The following ZMPSTE24 variants were observed in gnomAD, a reference collection of about 807,000 sequenced individuals.
ZMPSTE24 encodes the protein zinc metallopeptidase STE24.
A neutral mutation model predicts 56.7 loss-of-function variants in ZMPSTE24; 48 were observed. That is an observed-to-expected ratio of 0.85 (90% CI 0.67 to 1.08). The LOEUF is 1.08. Among genes scored for constraint, ZMPSTE24 ranks in the 50% least tolerant of loss-of-function variants. The pLI is 0.00. For synonymous variants in ZMPSTE24, 172 were observed against 195.2 expected, an observed-to-expected ratio of 0.88 and a Z score of 0.99; for missense variants, 503 against 548.7, an observed-to-expected ratio of 0.92 and a Z score of 0.83.
At chr1:40,265,509 C>T (rs888281638) in intron 2 of ZMPSTE24, among the ~76,000 whole-genome samples, 2 of 152,056 alleles carry the variant, frequency 1.3e-5, no homozygotes, top group African/African-American at 4.8e-5. Flanking sequence ...TGAGGCCAGC[C>T]TGGGCAACAT....
chr1:40,261,700 T>C (rs899025248), intron 2 of ZMPSTE24, among the ~76,000 whole-genome samples: 2 of 152,072 alleles, frequency 1.3e-5, no homozygotes, highest in African/African-American at 4.8e-5. Context: ...TTTTTGTTGC[T>C]TTTTTTGTTT....
chr1:40,282,310 G>A (rs1569652765), intron 7 of ZMPSTE24, among the ~76,000 whole-genome samples: 1 of 152,166 alleles, frequency 6.6e-6, no homozygotes, highest in East Asian at 1.9e-4. Flanking sequence ...ATATTGATTA[G>A]CAGAATTTAA....
rs372563227 is a variant in ZMPSTE24 at position 40,271,964 on chromosome 1, A to G, written c.698A>G (p.Lys233Arg). 13 of 1,613,566 alleles carry G rather than the reference A, an allele frequency of 8.1e-6. No individual in the cohort carries two copies. Among genetic ancestry groups the G allele is most frequent in the African/African-American group, 1.3e-5 (1 of 74,926 alleles). ...AAATTCACACCTCTGCCTGAGGGAAAGCTTAAAGAAGAAATTGAAGTAATG... is the reference window on the plus strand; with the variant it reads ...AAATTCACACCTCTGCCTGAGGGAAGGCTTAAAGAAGAAATTGAAGTAATG... ...FDKFTPLPEG[K>R]LKEEIEVMAK... Residue 233 changes from lysine (K) to arginine (R), a missense_variant, in exon 6 of 10, where the codon AAG (lysine) becomes AGG (arginine). Lys to Arg is a conservative substitution (Grantham distance 26). Transcript: ENST00000372759.
rs188063254 is a variant in ZMPSTE24, at chr1:40,286,495, A to G, written c.1059+466A>G. Among the ~76,000 whole-genome samples, 29 of 152,220 alleles carry G rather than the reference A, an allele frequency of 1.9e-4. 1 individual carries two copies. The highest frequency in any genetic ancestry group is 9.2e-4 in the Admixed American group (14 of 15,294). Reference sequence around the variant, plus strand: ...GAGTGCAGTGATGTGATCTCGGCTCACTGCAACCTCTGCCTCTCAGGTTCA... The same window carrying G: ...GAGTGCAGTGATGTGATCTCGGCTCGCTGCAACCTCTGCCTCTCAGGTTCA... On this transcript the variant is annotated intron_variant, in intron 8 of 9. Transcript: ENST00000372759.
chr1:40,260,085 G>C (rs989999332), intron 1 of ZMPSTE24, among the ~76,000 whole-genome samples: 2 of 117,014 alleles, frequency 1.7e-5, no homozygotes, highest in Admixed American at 1.0e-4. Flanking sequence ...TTTTTAAGGA[G>C]ATAGATTCTC....
At chr1:40,276,260 G>T (rs1197407281) in intron 6 of ZMPSTE24, among the ~76,000 whole-genome samples, 1 of 152,192 alleles carries the variant, frequency 6.6e-6, no homozygotes, top group Non-Finnish European at 1.5e-5. Context: ...GGAGTTTTAG[G>T]GCGAGGTCAG....
intron 7 of ZMPSTE24, 63 bp from the exon 8 acceptor site, chr1:40,285,862 G>A (rs1017941426): frequency 4.5e-6 from 6 of 1,332,672 alleles, no homozygotes; most frequent in African/African-American, 1.5e-5. Flanking sequence ...GGCTATTACT[G>A]GGTTAAAAGA....
At chr1:40,286,767 G>T (rs11207771) in intron 8 of ZMPSTE24, among the ~76,000 whole-genome samples, 11,423 of 117,192 alleles carry the variant, frequency 0.097, 592 homozygotes, top group East Asian at 0.24. Flanking sequence ...CACTCTTGTT[G>T]CCCAAGCTGG....
At chr1:40,261,609 T>A (rs1426543381) in intron 2 of ZMPSTE24, among the ~76,000 whole-genome samples, 1 of 152,206 alleles carries the variant, frequency 6.6e-6, no homozygotes, top group Non-Finnish European at 1.5e-5. Flanking sequence ...AATAGTTAAG[T>A]CTTGTTCATC....
chr1:40,260,052 C>G (rs1031570391), intron 1 of ZMPSTE24, among the ~76,000 whole-genome samples: 10 of 126,736 alleles, frequency 7.9e-5, no homozygotes, highest in African/African-American at 3.1e-4. Flanking sequence ...GTTGATCTTT[C>G]TCCTTTTTTT....
At chr1:40,268,904 G>A (rs1213998488) in intron 4 of ZMPSTE24, among the ~76,000 whole-genome samples, 3 of 151,136 alleles carry the variant, frequency 2.0e-5, no homozygotes, top group Non-Finnish European at 3.0e-5. Flanking sequence ...CGTGAAACCC[G>A]TCTCTACTGA....
intron 8 of ZMPSTE24, among the ~76,000 whole-genome samples, chr1:40,289,666 A>G (rs1289817514): frequency 6.6e-6 from 1 of 152,168 alleles, no homozygotes; most frequent in African/African-American, 2.4e-5. Context: ...CCAAGATCCT[A>G]ATTTGCACAG....
intron 2 of ZMPSTE24, 113 bp downstream of exon 2, chr1:40,261,098 T>C: frequency 7.5e-7 from 1 of 1,326,628 alleles, no homozygotes; most frequent in Non-Finnish European, 1.1e-6. Flanking sequence ...TTCTTAACCT[T>C]TGTTATTGAT....
intron 1 of ZMPSTE24, 126 bp downstream of exon 1, chr1:40,258,520 A>G: frequency 6.5e-7 from 1 of 1,539,880 alleles, no homozygotes; most frequent in Non-Finnish European, 8.8e-7. Flanking sequence ...GTCCCTGCTG[A>G]GTCTCGTAAC....
chr1:40,268,435 T>G lies in ZMPSTE24; in HGVS notation c.374T>G (p.Val125Gly). The G allele has an allele frequency of 6.2e-7, 1 of 1,612,248 alleles. No homozygotes were observed. Among genetic ancestry groups the G allele is most frequent in the Non-Finnish European group, 8.5e-7 (1 of 1,179,686 alleles). The change falls in exon 4 of 10, where the codon GTG (valine) becomes GGG (glycine). Residue 125 changes from valine (V) to glycine (G), a missense_variant. Physicochemically the swap from Val to Gly is moderately radical, Grantham distance 109 (BLOSUM62 -3). Transcript: ENST00000372759. ...GPEYEITQSLVFLLLATLFSA... is the reference protein window; with the variant it reads ...GPEYEITQSLGFLLLATLFSA... Reference sequence around the variant, plus strand: ...TTTGTTTAGATCACTCAGTCCCTGGTGTTTCTGCTGTTGGCTACACTTTTC... The same window carrying G: ...TTTGTTTAGATCACTCAGTCCCTGGGGTTTCTGCTGTTGGCTACACTTTTC...
In ZMPSTE24 at chr1:40,268,441, T is replaced by C. The variant is rs1454208373; in HGVS notation, c.380T>C (p.Leu127Pro). The stretch of plus-strand genomic sequence containing the variant: ...TAGATCACTCAGTCCCTGGTGTTTC[T>C]GCTGTTGGCTACACTTTTCAGTGCA... ...EYEITQSLVF[L>P]LLATLFSALT... is the part of the protein sequence containing the mutation. Residue 127 changes from leucine (L) to proline (P), a missense_variant, in exon 4 of 10, where the codon CTG becomes CCG. Transcript: ENST00000372759. The C allele has an allele frequency of 1.9e-6, 3 of 1,612,676 alleles. No individual in the cohort carries two copies. In the South Asian group the frequency reaches 3.3e-5, roughly 18 times the overall value.
At chr1:40,278,099 G>T (rs1643688993) in intron 6 of ZMPSTE24, among the ~76,000 whole-genome samples, 1 of 151,684 alleles carries the variant, frequency 6.6e-6, no homozygotes, top group South Asian at 2.1e-4. Flanking sequence ...AAAAAGAAAT[G>T]TAATAATGCA....
At chr1:40,277,711 G>A (rs1643684106) in intron 6 of ZMPSTE24, among the ~76,000 whole-genome samples, 1 of 152,096 alleles carries the variant, frequency 6.6e-6, no homozygotes, top group Non-Finnish European at 1.5e-5. Flanking sequence ...GCTCACACCT[G>A]TAATCCTAGC....
chr1:40,286,027 C>T lies in ZMPSTE24; in HGVS notation c.1057C>T (p.Gln353Ter), dbSNP rs1284300747. 1.2e-6 allele frequency: 2 copies of T among 1,612,068 alleles called. No individual in the cohort carries two copies. Among genetic ancestry groups the T allele is most frequent in the South Asian group, 1.1e-5 (1 of 91,034 alleles). Residue 353 changes from glutamine (Q) to a stop codon, truncating the protein, a stop_gained and splice_region_variant, in exon 8 of 10, where the codon CAG becomes TAG. Transcript: ENST00000372759. LOFTEE classifies it high-confidence loss of function. Reference protein sequence around the residue: ...GHTVKNIIISQMNSFLCFFLF... With the variant: ...GHTVKNIIIS ...TACAGTCAAAAATATCATTATTAGC[C>T]AGGTAAGTGTGGAGTGACAATTCTT...
Sources: allele counts gnomAD v4.1 joint callset (sites outside exome capture counted in the v4.1 genomes callset), GRCh38; gene constraint gnomAD v4.1.1; transcripts MANE v1.5; gene names NCBI Gene and HGNC (gene_info 2026-07-23, HGNC 2026-07-21).